The following HMGCLL1 variants were observed in gnomAD, a reference collection of about 807,000 sequenced individuals.
HMGCLL1 encodes 3-hydroxymethyl-3-methylglutaryl-CoA lyase, cytoplasmic.
A neutral mutation model predicts 39.1 loss-of-function variants in HMGCLL1; 36 were observed. That is an observed-to-expected ratio of 0.92 (90% CI 0.71 to 1.22). HMGCLL1 has a LOEUF of 1.22. HMGCLL1 is among the 50% of genes most tolerant of loss of function. The pLI is 0.00. For synonymous variants in HMGCLL1, 149 were observed against 144.0 expected, an observed-to-expected ratio of 1.03 and a Z score of -0.25; for missense variants, 451 against 416.5, an observed-to-expected ratio of 1.08 and a Z score of -0.72.
rs1321563628 is a variant in HMGCLL1, at chr6:55,477,910, A to G, written c.795+17509T>C. On this transcript the variant is annotated intron_variant, in intron 7 of 8. Coordinates refer to ENST00000274901, the MANE Select transcript of HMGCLL1 (RefSeq NM_001042406.2). ...CTTATATGATTTTGGAACCAGGAATATATTACTTGTAAAAATCAAACAGAG... is the reference window on the plus strand; with the variant it reads ...CTTATATGATTTTGGAACCAGGAATGTATTACTTGTAAAAATCAAACAGAG... Among the ~76,000 whole-genome samples the G allele has an allele frequency of 2.6e-5, 4 of 151,108 alleles. 1 individual carries two copies. The highest frequency in any genetic ancestry group is 9.8e-5 in the African/African-American group (4 of 40,858).
intron 1 of HMGCLL1, among the ~76,000 whole-genome samples, chr6:55,568,263 G>A (rs1318919984): frequency 6.6e-6 from 1 of 152,162 alleles, no homozygotes; most frequent in Non-Finnish European, 1.5e-5. Context: ...AAGGGAGATT[G>A]TCCAAAAGGG....
At chr6:55,498,764 A>C (rs1351572841) in intron 6 of HMGCLL1, among the ~76,000 whole-genome samples, 1 of 152,154 alleles carries the variant, frequency 6.6e-6, no homozygotes, top group African/African-American at 2.4e-5. Flanking sequence ...ACAGCAACTT[A>C]ATCACAGCAG....
intron 1 of HMGCLL1, among the ~76,000 whole-genome samples, chr6:55,575,380 A>G (rs1368669290): frequency 6.6e-6 from 1 of 152,084 alleles, no homozygotes; most frequent in African/African-American, 2.4e-5. Context: ...TAATATGTAT[A>G]TGTGTATATA....
At chr6:55,528,631 T>G (rs1294005676) in intron 3 of HMGCLL1, among the ~76,000 whole-genome samples, 1 of 122,740 alleles carries the variant, frequency 8.1e-6, no homozygotes, top group African/African-American at 2.9e-5. Flanking sequence ...TCTGGAAAAT[T>G]GAACATCCAG....
chr6:55,503,593 G>A (rs527453004), intron 5 of HMGCLL1, among the ~76,000 whole-genome samples: 6 of 151,632 alleles, frequency 4.0e-5, no homozygotes, highest in South Asian at 2.1e-4. Context: ...AGTCCCTCTC[G>A]CTCACCATTA....
the HMGCLL1 span, among the ~76,000 whole-genome samples, chr6:55,661,166 G>A: frequency 6.6e-6 from 1 of 151,956 alleles, no homozygotes; most frequent in Admixed American, 6.6e-5. Context: ...TCTATAGGTT[G>A]TCTATTCACT....
intron 3 of HMGCLL1, among the ~76,000 whole-genome samples, chr6:55,533,250 A>T (rs971076503): frequency 2.0e-5 from 3 of 151,132 alleles, no homozygotes; most frequent in Admixed American, 6.6e-5. Context: ...AGTATCCAAA[A>T]TATGTACTAT....
At chr6:55,665,190 G>A in the HMGCLL1 span, among the ~76,000 whole-genome samples, 6 of 151,628 alleles carry the variant, frequency 4.0e-5, no homozygotes, top group East Asian at 3.9e-4. Flanking sequence ...TATGTATCTC[G>A]ATAATGCAAG....
the HMGCLL1 span, among the ~76,000 whole-genome samples, chr6:55,646,860 C>G: frequency 6.6e-6 from 1 of 151,958 alleles, no homozygotes; most frequent in Non-Finnish European, 1.5e-5. Flanking sequence ...GTGTATTCTA[C>G]ATCTATTGGA....
chr6:55,570,283 C>T (rs1461211060), intron 1 of HMGCLL1, among the ~76,000 whole-genome samples: 1 of 152,206 alleles, frequency 6.6e-6, no homozygotes, highest in African/African-American at 2.4e-5. Context: ...AACACATTCT[C>T]AGCCTCTTTA....
chr6:55,568,216 A>G (rs571063680), intron 1 of HMGCLL1, among the ~76,000 whole-genome samples: 9 of 152,140 alleles, frequency 5.9e-5, no homozygotes, highest in Non-Finnish European at 1.2e-4. Context: ...AAAACACCTG[A>G]GTTTTCATTT....
intron 1 of HMGCLL1, among the ~76,000 whole-genome samples, chr6:55,574,060 A>T (rs922195954): frequency 6.6e-6 from 1 of 152,216 alleles, no homozygotes; most frequent in South Asian, 2.1e-4. Flanking sequence ...TTAATTTTTT[A>T]GATAAAACTT....
intron 3 of HMGCLL1, among the ~76,000 whole-genome samples, chr6:55,524,641 G>A (rs1429373421): frequency 1.3e-5 from 2 of 151,844 alleles, no homozygotes; most frequent in East Asian, 3.9e-4. Context: ...TTCACTTGAA[G>A]TAATAGGGCA....
intron 1 of HMGCLL1, among the ~76,000 whole-genome samples, chr6:55,544,684 T>C (rs572447869): frequency 4.6e-5 from 7 of 152,286 alleles, no homozygotes; most frequent in South Asian, 2.1e-4. Flanking sequence ...AGAGCTGTTA[T>C]TGGTTTTATC....
At chr6:55,514,595 CTTTG>C (rs1429659450) in intron 4 of HMGCLL1, among the ~76,000 whole-genome samples, 4 of 152,100 alleles carry the variant, frequency 2.6e-5, no homozygotes, top group African/African-American at 9.7e-5. Flanking sequence ...ATACTAACTA[CTTTG>C]TTTATCTTCT....
At chr6:55,613,711 A>C in the HMGCLL1 span, among the ~76,000 whole-genome samples, 13 of 152,258 alleles carry the variant, frequency 8.5e-5, no homozygotes, top group African/African-American at 3.1e-4. Context: ...CTCACTCATA[A>C]GTGGGAACCA....
rs747609669 is a variant in HMGCLL1 at position 55,495,529 on chromosome 6, T to C, written c.685A>G (p.Met229Val). 2.5e-6 allele frequency: 4 copies of C among 1,613,824 alleles called. No individual in the cohort carries two copies. The highest frequency in any genetic ancestry group is 3.4e-6 in the Non-Finnish European group (4 of 1,179,846). Reference protein sequence around the residue: ...DTIGVGTPGSMKRMLESVMKE... With the variant: ...DTIGVGTPGSVKRMLESVMKE... ...ATCACACTTTCCAACATTCTTTTCA[T>C]ACTTCCTGGAGTTCCCACTCCAATT... Residue 229 changes from methionine to valine, a missense_variant, in exon 7 of 9, where the codon ATG (methionine) becomes GTG (valine). Physicochemically the swap from Met to Val is conservative, Grantham distance 21. Coordinates refer to ENST00000274901, the MANE Select transcript of HMGCLL1 (RefSeq NM_001042406.2).
chr6:55,458,502 G>A (rs1479620628), intron 7 of HMGCLL1, among the ~76,000 whole-genome samples: 2 of 152,240 alleles, frequency 1.3e-5, no homozygotes, highest in Non-Finnish European at 1.5e-5. Context: ...GGTTAACTAC[G>A]AACTGGTCTG....
chr6:55,456,413 A>T (rs1764324171), intron 7 of HMGCLL1, among the ~76,000 whole-genome samples: 1 of 152,254 alleles, frequency 6.6e-6, no homozygotes. Context: ...TATTTCACTT[A>T]CTTCACATAA....
Sources: allele counts gnomAD v4.1 joint callset (sites outside exome capture counted in the v4.1 genomes callset), GRCh38; gene constraint gnomAD v4.1.1; transcripts MANE v1.5; gene names NCBI Gene and HGNC (gene_info 2026-07-23, HGNC 2026-07-21).